STXBP5L: variants seen among roughly 807,000 people sequenced by gnomAD.
STXBP5L encodes syntaxin binding protein 5L.
STXBP5L carries 65 observed loss-of-function variants against 144.5 expected under a neutral mutation model. The observed-to-expected ratio is 0.45, with a 90% CI of 0.37 to 0.55. The LOEUF is 0.55. Among genes scored for constraint, STXBP5L ranks in the 20% least tolerant of loss-of-function variants. STXBP5L has a pLI of 0.00. For missense variants in STXBP5L, 1,298 were observed against 1,405.5 expected (o/e 0.92, Z 1.22); for synonymous variants, 505 against 469.6 (o/e 1.08, Z -0.97).
intron 7 of STXBP5L, among the ~76,000 whole-genome samples, chr3:121,144,244 A>G (rs1468354640): frequency 3.3e-5 from 5 of 151,776 alleles, no homozygotes; most frequent in Admixed American, 1.3e-4. Context: ...TCAGGGGAAG[A>G]GAAGTTTTAA....
chr3:120,926,776 G>A (rs905007560), intron 2 of STXBP5L, among the ~76,000 whole-genome samples: 18 of 152,146 alleles, frequency 1.2e-4, no homozygotes, highest in South Asian at 4.1e-4. Context: ...CTGTCTTTGA[G>A]CTCACATTAT....
chr3:121,362,921 AG>A (rs1435951436), intron 20 of STXBP5L, among the ~76,000 whole-genome samples: 1 of 152,086 alleles, frequency 6.6e-6, no homozygotes, highest in Admixed American at 6.5e-5. Flanking sequence ...CTGGTTATTC[AG>A]GGCCTAGGGG....
At chr3:121,028,505 C>T (rs187853004) in intron 3 of STXBP5L, among the ~76,000 whole-genome samples, 2 of 152,124 alleles carry the variant, frequency 1.3e-5, no homozygotes, top group East Asian at 3.9e-4. Flanking sequence ...TAAAGCTATC[C>T]ACTGCTGTGT....
intron 19 of STXBP5L, among the ~76,000 whole-genome samples, chr3:121,313,152 A>C (rs1577429168): frequency 7.5e-6 from 1 of 133,324 alleles, no homozygotes. Context: ...CTCACTTCCC[A>C]GTAGGGGCGG....
chr3:121,266,229 A>G (rs773032591), intron 18 of STXBP5L, among the ~76,000 whole-genome samples: 2 of 152,222 alleles, frequency 1.3e-5, no homozygotes, highest in African/African-American at 4.8e-5. Context: ...AAAATCCTCA[A>G]TAAAATACGG....
intron 9 of STXBP5L, among the ~76,000 whole-genome samples, chr3:121,192,009 C>T (rs974190972): frequency 2.0e-5 from 3 of 152,102 alleles, no homozygotes; most frequent in Non-Finnish European, 2.9e-5. Flanking sequence ...GATGAGTTAA[C>T]GAGTGCAGCA....
rs1014910616 is a variant in STXBP5L at position 120,959,805 on chromosome 3, G to A, written c.287+4768G>A. 9.9e-4 allele frequency among the ~76,000 whole-genome samples: 151 copies of A among 152,096 alleles called. 1 individual carries two copies. Among genetic ancestry groups the A allele is most frequent in the Non-Finnish European group, 1.9e-3 (128 of 67,928 alleles). Reference sequence around the variant, plus strand: ...TAGACCTAAAACCATAAAAACCCTAGAAGAAAACCTAGGCAATACCATTCA... The same window carrying A: ...TAGACCTAAAACCATAAAAACCCTAAAAGAAAACCTAGGCAATACCATTCA... On this transcript the variant is annotated intron_variant, in intron 3 of 26. Coordinates refer to ENST00000471454, the MANE Select transcript of STXBP5L (RefSeq NM_001308330.2).
At chr3:121,145,893 C>T (rs936761492) in intron 7 of STXBP5L, among the ~76,000 whole-genome samples, 2 of 151,940 alleles carry the variant, frequency 1.3e-5, no homozygotes, top group African/African-American at 4.8e-5. Context: ...AATATCTGCC[C>T]TCACCAATGT....
intron 11 of STXBP5L, among the ~76,000 whole-genome samples, chr3:121,223,917 G>A (rs1177572843): frequency 6.6e-6 from 1 of 151,956 alleles, no homozygotes; most frequent in Non-Finnish European, 1.5e-5. Flanking sequence ...GCAACATAAT[G>A]AGATTCCATC....
intron 13 of STXBP5L, among the ~76,000 whole-genome samples, chr3:121,239,992 T>C (rs1276548504): frequency 6.6e-6 from 1 of 152,172 alleles, no homozygotes. Context: ...TTTTTTATTA[T>C]AGTTTACTAC....
intron 3 of STXBP5L, among the ~76,000 whole-genome samples, chr3:120,961,188 TTTTA>T (rs922236176): frequency 1.6e-5 from 2 of 123,398 alleles, no homozygotes; most frequent in African/African-American, 6.4e-5. Flanking sequence ...TAGTTTTTGA[TTTTA>T]TTTAGTTTTT....
At chr3:121,370,784 G>T (rs376195999) in intron 20 of STXBP5L, among the ~76,000 whole-genome samples, 4 of 152,146 alleles carry the variant, frequency 2.6e-5, no homozygotes, top group African/African-American at 7.2e-5. Flanking sequence ...TCTTTCCTCA[G>T]CTTAGTCTAT....
At chr3:121,004,911 A>C (rs1352466641) in intron 3 of STXBP5L, among the ~76,000 whole-genome samples, 1 of 152,166 alleles carries the variant, frequency 6.6e-6, no homozygotes, top group Non-Finnish European at 1.5e-5. Flanking sequence ...CCACTTGATC[A>C]TGGTGGATAA....
chr3:121,088,274 G>T (rs1249879192), intron 5 of STXBP5L, among the ~76,000 whole-genome samples: 4 of 125,698 alleles, frequency 3.2e-5, no homozygotes, highest in Non-Finnish European at 6.6e-5. Flanking sequence ...ATCAAAAAGT[G>T]GGCGAAGGAC....
At chr3:121,402,530 A>T (rs1278117693) in intron 22 of STXBP5L, among the ~76,000 whole-genome samples, 1 of 151,938 alleles carries the variant, frequency 6.6e-6, no homozygotes, top group Non-Finnish European at 1.5e-5. Context: ...TGCATTGTCA[A>T]CTCTCTTGCC....
At chr3:120,979,885 T>C (rs573615268) in intron 3 of STXBP5L, among the ~76,000 whole-genome samples, 28 of 152,354 alleles carry the variant, frequency 1.8e-4, no homozygotes, top group Non-Finnish European at 2.1e-4. Flanking sequence ...TCTTAGCATT[T>C]CTTTTGCTGT....
At chr3:121,096,199 G>T (rs2043119902) in intron 5 of STXBP5L, among the ~76,000 whole-genome samples, 1 of 152,160 alleles carries the variant, frequency 6.6e-6, no homozygotes, top group South Asian at 2.1e-4. Context: ...CACTCATGCT[G>T]GGAGTTGTGG....
intron 14 of STXBP5L, among the ~76,000 whole-genome samples, chr3:121,242,768 A>G (rs909576907): frequency 6.6e-6 from 1 of 152,178 alleles, no homozygotes; most frequent in Non-Finnish European, 1.5e-5. Context: ...AGACAATTTG[A>G]GAGTAAAAAG....
At chr3:120,944,826 C>A (rs1710762651) in intron 2 of STXBP5L, among the ~76,000 whole-genome samples, 1 of 151,772 alleles carries the variant, frequency 6.6e-6, no homozygotes, top group African/African-American at 2.4e-5. Flanking sequence ...TTAGTCTTTT[C>A]TTTCATCCAA....
Sources: gnomAD v4.1 joint callset for allele counts (sites outside exome capture counted in the v4.1 genomes callset) on GRCh38, gnomAD v4.1.1 for gene constraint, MANE v1.5 for transcripts, NCBI Gene and HGNC (gene_info 2026-07-23, HGNC 2026-07-21) for gene names.